Variants in RAB3C observed in about 807,000 individuals in gnomAD.
RAB3C encodes the protein RAB3C, member RAS oncogene family.
RAB3C carries 17 observed loss-of-function variants against 26.4 expected under a neutral mutation model. The observed-to-expected ratio is 0.64, with a 90% confidence interval of 0.44 to 0.97. RAB3C has a LOEUF of 0.97. Among genes scored for constraint, RAB3C ranks in the 50% least tolerant of loss-of-function variants. The pLI is 0.00. For synonymous variants in RAB3C, 91 were observed against 95.9 expected (o/e 0.95, Z 0.30); for missense variants, 242 against 281.9 (o/e 0.86, Z 1.01).
intron 1 of RAB3C, among the ~76,000 whole-genome samples, chr5:58,606,951 G>A (rs975509578): frequency 7.9e-5 from 12 of 152,134 alleles, no homozygotes; most frequent in African/African-American, 2.4e-4. Context: ...AACCACAGAT[G>A]GGGAGAAACC....
At chr5:58,688,203 AC>A (rs1748486961) in intron 2 of RAB3C, among the ~76,000 whole-genome samples, 2 of 151,984 alleles carry the variant, frequency 1.3e-5, no homozygotes, top group Non-Finnish European at 1.5e-5. Context: ...ACTTTTCCCC[AC>A]TCACTTCTTT....
chr5:58,761,883 T>C (rs1325538936), intron 3 of RAB3C, among the ~76,000 whole-genome samples: 1 of 152,200 alleles, frequency 6.6e-6, no homozygotes, highest in Non-Finnish European at 1.5e-5. Flanking sequence ...CATTCTTTTC[T>C]CTTTATTTTA....
intron 2 of RAB3C, among the ~76,000 whole-genome samples, chr5:58,695,290 T>A (rs962070126): frequency 1.7e-4 from 26 of 152,334 alleles, no homozygotes; most frequent in Non-Finnish European, 2.9e-4. Flanking sequence ...TATATCTCTG[T>A]TTTGGTACCA....
chr5:58,649,375 G>A (rs569131908), intron 2 of RAB3C, among the ~76,000 whole-genome samples: 15 of 151,918 alleles, frequency 9.9e-5, no homozygotes, highest in African/African-American at 3.6e-4. Flanking sequence ...AAACTCACTG[G>A]CACTAACTTG....
chr5:58,661,472 A>G (rs1747904974), intron 2 of RAB3C, among the ~76,000 whole-genome samples: 2 of 149,770 alleles, frequency 1.3e-5, no homozygotes, highest in Admixed American at 1.3e-4. Flanking sequence ...CATTTTTTTC[A>G]TATTTGCTAT....
chr5:58,682,591 G>A (rs1748368896), intron 2 of RAB3C, among the ~76,000 whole-genome samples: 2 of 152,050 alleles, frequency 1.3e-5, no homozygotes. Context: ...GGCTGAGGCG[G>A]GAGAATGGCG....
intron 1 of RAB3C, among the ~76,000 whole-genome samples, chr5:58,608,053 T>C (rs1291236217): frequency 6.6e-6 from 1 of 152,156 alleles, no homozygotes; most frequent in African/African-American, 2.4e-5. Flanking sequence ...GCTAACATCA[T>C]AATGACAGGG....
In RAB3C at chr5:58,597,793, T is replaced by C. The variant is rs1439082802; in HGVS notation, c.24+14561T>C. Among the ~76,000 whole-genome samples, 6 of 88,758 alleles carry C rather than the reference T, an allele frequency of 6.8e-5. 2 individuals are homozygous for C. The highest frequency in any genetic ancestry group is 1.2e-4 in the Non-Finnish European group (6 of 50,022). The allele number at this position is 88,758 out of a possible 152,430, so 58.2% of individuals were successfully genotyped here. ...ATATAATACATTATATATAAGTATA[T>C]AACATGTAATACATTATATATAAGT... On this transcript the variant is annotated intron_variant, in intron 1 of 4. Transcript: ENST00000282878.
intron 2 of RAB3C, among the ~76,000 whole-genome samples, chr5:58,624,693 G>C (rs143327844): frequency 1.7e-4 from 26 of 152,272 alleles, no homozygotes; most frequent in African/African-American, 6.3e-4. Flanking sequence ...TTGACAACTA[G>C]TACCAAAGAG....
chr5:58,850,752 A>G (rs1342819830), intron 4 of RAB3C, among the ~76,000 whole-genome samples: 1 of 152,224 alleles, frequency 6.6e-6, no homozygotes, highest in East Asian at 1.9e-4. Flanking sequence ...AAGAGTCTAC[A>G]TGGTGCGCTA....
intron 2 of RAB3C, among the ~76,000 whole-genome samples, chr5:58,711,614 A>C (rs1359330452): frequency 6.6e-6 from 1 of 152,212 alleles, no homozygotes; most frequent in Non-Finnish European, 1.5e-5. Context: ...TAGTATGCAC[A>C]AGAAGCATTA....
intron 3 of RAB3C, among the ~76,000 whole-genome samples, chr5:58,781,777 G>C (rs987634148): frequency 1.3e-5 from 2 of 151,910 alleles, no homozygotes; most frequent in Non-Finnish European, 2.9e-5. Context: ...GGGCCACTGG[G>C]CTTCACTCTA....
At chr5:58,600,964 TTA>T (rs1179214452) in intron 1 of RAB3C, among the ~76,000 whole-genome samples, 3 of 152,200 alleles carry the variant, frequency 2.0e-5, no homozygotes, top group African/African-American at 4.8e-5. Flanking sequence ...CCATTCAGTG[TTA>T]TGTTGGCTGT....
At chr5:58,809,844 C>T (rs1743030469) in intron 3 of RAB3C, among the ~76,000 whole-genome samples, 1 of 152,208 alleles carries the variant, frequency 6.6e-6, no homozygotes, top group African/African-American at 2.4e-5. Context: ...ACGTCTGTTG[C>T]TTAAGCCACC....
chr5:58,746,912 A>T (rs1445132892), intron 3 of RAB3C, among the ~76,000 whole-genome samples: 1 of 152,214 alleles, frequency 6.6e-6, no homozygotes, highest in Non-Finnish European at 1.5e-5. Context: ...CTTGAGCTTG[A>T]TAGCTAAGTT....
intron 2 of RAB3C, among the ~76,000 whole-genome samples, chr5:58,676,647 C>T (rs1465444407): frequency 6.6e-6 from 1 of 152,026 alleles, no homozygotes; most frequent in Admixed American, 6.5e-5. Flanking sequence ...GTTTTGATCA[C>T]CCCCTTAGCA....
intron 4 of RAB3C, among the ~76,000 whole-genome samples, chr5:58,825,671 C>A (rs1298967772): frequency 6.6e-6 from 1 of 152,146 alleles, no homozygotes; most frequent in Non-Finnish European, 1.5e-5. Flanking sequence ...GTATCATAGC[C>A]CGTGCCTATT....
intron 3 of RAB3C, among the ~76,000 whole-genome samples, chr5:58,793,531 C>CAAAA (rs55868904): frequency 5.8e-5 from 4 of 69,002 alleles, no homozygotes; most frequent in African/African-American, 2.4e-4. Flanking sequence ...CACTCCACCT[C>CAAAA]AAAAAAAAAA....
At chr5:58,754,789 C>T (rs1469714817) in intron 3 of RAB3C, among the ~76,000 whole-genome samples, 1 of 152,172 alleles carries the variant, frequency 6.6e-6, no homozygotes, top group African/African-American at 2.4e-5. Context: ...TTGCACACAG[C>T]ATCCTATCTA....
Sources: allele counts gnomAD v4.1 joint callset (sites outside exome capture counted in the v4.1 genomes callset), GRCh38; gene constraint gnomAD v4.1.1; transcripts MANE v1.5; gene names NCBI Gene and HGNC (gene_info 2026-07-23, HGNC 2026-07-21).